FAM107A: variants seen among roughly 807,000 people sequenced by gnomAD.
FAM107A encodes actin-associated protein FAM107A.
Under a neutral mutation model 13.7 loss-of-function variants are expected in FAM107A, and 19 were observed. That is an observed-to-expected ratio of 1.38 (90% CI 0.97 to 2.03). The LOEUF is 2.03. Ranked by LOEUF, FAM107A falls within the 30% of genes most tolerant of loss-of-function variation. The pLI is 0.00. For missense variants in FAM107A, 203 were observed against 184.4 expected (o/e 1.10, Z -0.58); for synonymous variants, 82 against 74.5 (o/e 1.10, Z -0.52).
chr3:58,592,863 A>G (rs2065664828), intron 1 of FAM107A, among the ~76,000 whole-genome samples: 1 of 152,150 alleles, frequency 6.6e-6, no homozygotes, highest in Non-Finnish European at 1.5e-5. Flanking sequence ...CTGGGCCCCA[A>G]TCTCATCCCA....
intron 1 of FAM107A, among the ~76,000 whole-genome samples, chr3:58,619,363 G>A (rs1260082063): frequency 6.6e-6 from 1 of 152,090 alleles, no homozygotes; most frequent in Non-Finnish European, 1.5e-5. Flanking sequence ...GGATAGGTGG[G>A]AGAAGTTAAG....
intron 1 of FAM107A, among the ~76,000 whole-genome samples, chr3:58,626,136 G>T (rs780075334): frequency 1.3e-5 from 2 of 152,182 alleles, no homozygotes; most frequent in Non-Finnish European, 2.9e-5. Context: ...GCAGTACCGG[G>T]TCGTTGTGGT....
rs192985130 is a variant in FAM107A at position 58,618,966 on chromosome 3, C to T, written c.-70+8450G>A. 2.6e-5 allele frequency among the ~76,000 whole-genome samples: 4 copies of T among 152,284 alleles called. No individual in the cohort carries two copies. The East Asian group carries it at 5.8e-4, about 22-fold the overall frequency. On this transcript the variant is annotated intron_variant, in intron 1 of 3. Coordinates refer to the FAM107A transcript ENST00000465970. ...AAAGAAGAGAGAAAAAAAGAATGTT[C>T]TCCTTGATCAAAGAGTCTGAGGCAG...
Position 58,573,177 on chromosome 3 carries a change from A to C in FAM107A, c.-5-3312T>G, listed in dbSNP as rs544338172. ...CTTAGCTCAGAGCTGCAGGGGAAAA[A>C]CCATCGCCTTTGCCACTCAGGGTGC... is the stretch of plus-strand genomic sequence containing the variant. On this transcript the variant is annotated intron_variant, in intron 1 of 3. Coordinates refer to ENST00000360997, the MANE Select transcript of FAM107A (RefSeq NM_001076778.3). Among the ~76,000 whole-genome samples, 488 of 152,206 alleles carry C rather than the reference A, an allele frequency of 3.2e-3. 3 individuals are homozygous for C. Among genetic ancestry groups the C allele is most frequent in the African/African-American group, 0.011 (477 of 41,524 alleles).
At chr3:58,587,017 C>T in exon 1 of FAM107A, 1 of 1,388,184 alleles carries the variant, frequency 7.2e-7, no homozygotes, top group Non-Finnish European at 9.3e-7. Flanking sequence ...GCCGAAGCGC[C>T]TCCGCGACGG....
chr3:58,620,656 G>A (rs2065945794), intron 1 of FAM107A, among the ~76,000 whole-genome samples: 1 of 152,216 alleles, frequency 6.6e-6, no homozygotes, highest in African/African-American at 2.4e-5. Flanking sequence ...CTCCTCCTGG[G>A]GAGACCCAGC....
chr3:58,584,907 T>A (rs1341617391), intron 1 of FAM107A, among the ~76,000 whole-genome samples: 1 of 152,218 alleles, frequency 6.6e-6, no homozygotes, highest in African/African-American at 2.4e-5. Context: ...TGGAGTGTAC[T>A]TTCATTTTCA....
chr3:58,595,564 C>T (rs1037802546), intron 1 of FAM107A, among the ~76,000 whole-genome samples: 1 of 142,170 alleles, frequency 7.0e-6, no homozygotes, highest in Non-Finnish European at 1.5e-5. Flanking sequence ...CCACCCCCTG[C>T]CTGTAAAAAA....
At chr3:58,594,426 A>G (rs2065681559) in intron 1 of FAM107A, among the ~76,000 whole-genome samples, 1 of 151,926 alleles carries the variant, frequency 6.6e-6, no homozygotes, top group Admixed American at 6.6e-5. Flanking sequence ...CCCCAGTACA[A>G]CCTCTAACGG....
At position 58,573,183 on chromosome 3, in the gene FAM107A, G is replaced by A. The variant is rs191547250; in HGVS notation, c.-5-3318C>T. 2.2e-4 allele frequency among the ~76,000 whole-genome samples: 33 copies of A among 152,294 alleles called. No individual in the cohort carries two copies. The East Asian group carries it at 6.0e-3, about 28-fold the overall frequency. On this transcript the variant is annotated intron_variant, in intron 1 of 3. Transcript: ENST00000360997. ...TCAGAGCTGCAGGGGAAAAACCATC[G>A]CCTTTGCCACTCAGGGTGCTGAACC... is the stretch of plus-strand genomic sequence containing the variant.
At chr3:58,581,254 T>C (rs906087707), upstream of FAM107A, among the ~76,000 whole-genome samples, 2 of 152,222 alleles carry the variant, frequency 1.3e-5, no homozygotes. Flanking sequence ...TTAACTCTGA[T>C]TTCTTGGGAA....
intron 1 of FAM107A, among the ~76,000 whole-genome samples, chr3:58,599,329 G>A (rs990653301): frequency 4.6e-5 from 7 of 152,198 alleles, no homozygotes; most frequent in African/African-American, 1.7e-4. Context: ...TTTCTCTAGG[G>A]CAGACACTGG....
intron 3 of FAM107A, 21 bp from the exon 4 acceptor site, chr3:58,566,716 G>T (rs373278871): frequency 1.9e-6 from 3 of 1,573,454 alleles, no homozygotes; most frequent in South Asian, 2.2e-5. Context: ...GAGAAGCAGA[G>T]AGTGAAGTGG....
At chr3:58,599,695 CATTTTTTTTTTTTTTTTTTTTTTTTTTT>C (rs1231808636) in intron 1 of FAM107A, among the ~76,000 whole-genome samples, 2 of 45,744 alleles carry the variant, frequency 4.4e-5, no homozygotes, top group African/African-American at 1.3e-4. Flanking sequence ...ACAAGTGCAC[CATTTTTTTTTTTTTTTTTTTTTTTTTTT>C]TTTTTTTTTT....
intron 1 of FAM107A, among the ~76,000 whole-genome samples, chr3:58,598,696 C>G (rs962981884): frequency 1.3e-5 from 2 of 152,212 alleles, no homozygotes; most frequent in Non-Finnish European, 2.9e-5. Context: ...CCCAGCCATG[C>G]CCCAATCTCA....
At chr3:58,580,970 T>C (rs1298414610), upstream of FAM107A, among the ~76,000 whole-genome samples, 1 of 150,692 alleles carries the variant, frequency 6.6e-6, no homozygotes, top group African/African-American at 2.5e-5. Flanking sequence ...CTCAGTTATG[T>C]CATCAGAATA....
intron 1 of FAM107A, chr3:58,608,974 A>C (rs1209768250): frequency 6.6e-6 from 1 of 152,178 alleles, no homozygotes; most frequent in Non-Finnish European, 1.5e-5. Context: ...TCCCCTGGAC[A>C]CCTTCCTGAG....
intron 1 of FAM107A, among the ~76,000 whole-genome samples, chr3:58,596,184 G>T (rs767635598): frequency 6.6e-6 from 1 of 152,024 alleles, no homozygotes; most frequent in Non-Finnish European, 1.5e-5. Context: ...TCTTGGCATT[G>T]GTCACTGGTG....
At chr3:58,580,981 T>TG (rs35917346), upstream of FAM107A, among the ~76,000 whole-genome samples, 13,465 of 152,250 alleles carry the variant, frequency 0.088, 1,098 homozygotes, top group African/African-American at 0.21. Context: ...CATCAGAATA[T>TG]GGGAAAACAG....
Sources: allele counts gnomAD v4.1 joint callset (sites outside exome capture counted in the v4.1 genomes callset), GRCh38; gene constraint gnomAD v4.1.1; transcripts MANE v1.5; gene names NCBI Gene and HGNC (gene_info 2026-07-23, HGNC 2026-07-21).